The following PZP variants were observed in gnomAD, a reference collection of about 807,000 sequenced individuals.
PZP encodes pregnancy zone protein.
In PZP, 150 loss-of-function variants were observed where a neutral mutation model predicts 179.8. That is an observed-to-expected ratio of 0.83 (90% confidence interval 0.73 to 0.96). The LOEUF is 0.96. Among genes scored for constraint, PZP ranks in the 40% least tolerant of loss-of-function variants. The pLI, the probability that PZP is intolerant of heterozygous loss-of-function variation, is 0.00. For missense variants in PZP, 1,689 were observed against 1,764.0 expected, an observed-to-expected ratio of 0.96 and a Z score of 0.76; for synonymous variants, 624 against 652.3, an observed-to-expected ratio of 0.96 and a Z score of 0.66.
chr12:9,183,526 A>G (rs1394541859), intron 13 of PZP, among the ~76,000 whole-genome samples: 2 of 152,078 alleles, frequency 1.3e-5, no homozygotes, highest in Non-Finnish European at 2.9e-5. Context: ...CAGCCTCCCC[A>G]GTAGCTGGGA....
At position 9,165,237 on chromosome 12, in the gene PZP, G is replaced by T. The variant is rs781778595; in HGVS notation, c.2389C>A (p.Pro797Thr). The change falls in exon 19 of 36, where the codon CCC (proline) becomes ACC (threonine). Residue 797 changes from proline to threonine, a missense_variant. Physicochemically the swap from Pro to Thr is conservative, Grantham distance 38. Coordinates refer to ENST00000261336, the MANE Select transcript of PZP (RefSeq NM_002864.3). ...SSTASLRAFQ[P>T]FFVELTMPYS... is the part of the protein sequence containing the mutation. The stretch of plus-strand genomic sequence containing the variant: ...GGCATTGTGAGCTCCACAAAGAAGG[G>T]CTGGAAGGCTCGGAGAGAGGCAGTG... 1 of 1,614,178 alleles carries T rather than the reference G, an allele frequency of 6.2e-7. No homozygotes were observed. Among genetic ancestry groups the T allele is most frequent in the Non-Finnish European group, 8.5e-7 (1 of 1,180,036 alleles).
chr12:9,196,572 T>C lies in PZP; in HGVS notation c.981A>G (p.Thr327=), dbSNP rs761223198. The C allele has an allele frequency of 6.3e-7, 1 of 1,599,024 alleles. No individual in the cohort carries two copies. Among genetic ancestry groups the C allele is most frequent in the South Asian group, 1.1e-5 (1 of 90,764 alleles). The change falls in exon 9 of 36, where the codon ACA becomes ACG. Residue 327 remains threonine, a splice_region_variant and synonymous_variant. Transcript: ENST00000261336. The part of the protein sequence containing the change: ...RVEARIREEG[T]DLEVTANRIS... Reference sequence around the variant, plus strand: ...CCCATATTCGTTCATTACTCACACCTGTCCCCTCTTCTCTGATCCTGGCTT... The same window carrying C: ...CCCATATTCGTTCATTACTCACACCCGTCCCCTCTTCTCTGATCCTGGCTT...
chr12:9,149,455 G>T, intron 35 of PZP, 106 bp downstream of exon 35: 3 of 1,142,814 alleles, frequency 2.6e-6, no homozygotes, highest in Non-Finnish European at 3.7e-6. Context: ...ATGCCATGTG[G>T]ATTGTCTCAG....
At chr12:9,169,046 C>A in intron 16 of PZP, 72 bp from the exon 17 acceptor site, 3 of 1,101,444 alleles carry the variant, frequency 2.7e-6, no homozygotes, top group Non-Finnish European at 4.1e-6. Flanking sequence ...TCCTTAGAGA[C>A]TTCTCTATGT....
At chr12:9,179,692 C>T (rs1368510609) in intron 15 of PZP, among the ~76,000 whole-genome samples, 3 of 152,170 alleles carry the variant, frequency 2.0e-5, no homozygotes, top group Non-Finnish European at 4.4e-5. Context: ...CTCCAGTGAC[C>T]AAAAGTGATT....
At chr12:9,163,635 T>C in intron 21 of PZP, 33 bp downstream of exon 21, 1 of 1,608,892 alleles carries the variant, frequency 6.2e-7, no homozygotes, top group Non-Finnish European at 8.5e-7. Flanking sequence ...GTTGCATTCT[T>C]ACAGTTGTTA....
chr12:9,174,584 T>A lies in PZP; in HGVS notation c.1840-4993A>T, dbSNP rs777607974. On this transcript the variant is annotated intron_variant, in intron 15 of 35. Transcript: ENST00000261336. ...ACCCCATTATCTCAGTCCAAAAGAT[T>A]CTTAAGCTGATAAGCAACTTCAGCA... 5.9e-5 allele frequency among the ~76,000 whole-genome samples: 9 copies of A among 152,306 alleles called. No individual in the cohort carries two copies. The South Asian group carries it at 8.3e-4, about 14-fold the overall frequency.
rs771046133 is a variant in PZP at position 9,149,568 on chromosome 12, G to T, written c.4419C>A (p.Cys1473Ter). The T allele has an allele frequency of 6.2e-7, 1 of 1,612,840 alleles. No homozygotes were observed. The highest frequency in any genetic ancestry group is 1.1e-5 in the South Asian group (1 of 90,938). Reference sequence around the variant, plus strand: ...TAAGTGGTGAACTCTTACCTGTGCTGCAGGGGGCGATATACTCAGCAACCA... The same window carrying T: ...TAAGTGGTGAACTCTTACCTGTGCTTCAGGGGGCGATATACTCAGCAACCA... ...ESVVAEYIAP[C>*]STDTEHGNV Residue 1473 changes from cysteine (C) to a stop codon, truncating the protein, a stop_gained, in exon 35 of 36, where the codon TGC becomes TGA. Transcript: ENST00000261336. LOFTEE classifies it low-confidence loss of function (END_TRUNC).
intron 13 of PZP, among the ~76,000 whole-genome samples, chr12:9,187,757 C>A (rs780600226): frequency 5.3e-5 from 8 of 152,330 alleles, no homozygotes; most frequent in African/African-American, 1.7e-4. Flanking sequence ...CCTCACATCA[C>A]AACTGAAAGA....
intron 20 of PZP, 105 bp downstream of exon 20, chr12:9,164,028 T>C: frequency 1.4e-6 from 2 of 1,417,574 alleles, no homozygotes; most frequent in Admixed American, 2.2e-5. Flanking sequence ...ACTAACTTTA[T>C]AGAATTATAT....
intron 27 of PZP, 57 bp from the exon 28 acceptor site, chr12:9,157,412 T>C (rs10842982): frequency 1 from 1,508,582 of 1,508,766 alleles, 754,199 homozygotes; most frequent in East Asian, 1. Context: ...CAGAGCAAGC[T>C]GAGAGCTGGA....
At chr12:9,190,895 T>C (rs1943420897) in intron 13 of PZP, among the ~76,000 whole-genome samples, 1 of 152,094 alleles carries the variant, frequency 6.6e-6, no homozygotes, top group South Asian at 2.1e-4. Context: ...TTTAGACAAA[T>C]TGTGAATAAA....
chr12:9,166,845 G>T (rs1317468951), intron 17 of PZP: 1 of 152,176 alleles, frequency 6.6e-6, no homozygotes, highest in Non-Finnish European at 1.5e-5. Flanking sequence ...CAACGTGAGA[G>T]GGTGGAGAGC....
At chr12:9,149,668 G>C (rs1677106395) in intron 34 of PZP, 66 bp from the exon 35 acceptor site, 3 of 1,520,218 alleles carry the variant, frequency 2.0e-6, no homozygotes, top group Admixed American at 3.6e-5. Context: ...TGCTAAATCT[G>C]TCTAGTCACT....
chr12:9,160,089 A>G (rs1241686373), intron 24 of PZP, 64 bp from the exon 25 acceptor site: 1 of 1,452,594 alleles, frequency 6.9e-7, no homozygotes, highest in Middle Eastern at 1.8e-4. Context: ...CCATATGTTT[A>G]GGCTCATGCA....
intron 2 of PZP, 61 bp downstream of exon 2, chr12:9,203,707 A>G (rs1282836626): frequency 4.5e-6 from 7 of 1,565,254 alleles, no homozygotes; most frequent in Admixed American, 1.7e-5. Context: ...CATCACCATG[A>G]CCTATAGAGC....
chr12:9,208,033 C>T (rs1944527939), intron 1 of PZP, among the ~76,000 whole-genome samples: 2 of 152,070 alleles, frequency 1.3e-5, no homozygotes, highest in African/African-American at 4.8e-5. Flanking sequence ...ATCATGCTTC[C>T]TAGTGACTAA....
chr12:9,150,844 A>G (rs3741851), intron 33 of PZP, 98 bp from the exon 34 acceptor site: 147,960 of 773,852 alleles, frequency 0.19, 16,373 homozygotes, highest in East Asian at 0.41. Context: ...CTTTTTCACC[A>G]GTGTCTTTAG....
In PZP at chr12:9,166,136, T is replaced by C. The variant is rs1254803291; in HGVS notation, c.2174A>G (p.Asn725Ser). ...QLGTYNVIPLNNEQSSGPVPE... is the reference protein window; with the variant it reads ...QLGTYNVIPLSNEQSSGPVPE... ...GACTGGCCCTGAACTTTGTTCATTA[T>C]TTAAGGGTATCACATTATATGTGCC... The change falls in exon 18 of 36, where the codon AAT becomes AGT. Residue 725 changes from asparagine (N) to serine (S), a missense_variant. By Grantham distance (46) the Asn-to-Ser change is conservative (BLOSUM62 1). This residue lies in a region of PZP where 201 missense variants were observed against 284.2 expected (regional missense o/e 0.71). Coordinates refer to ENST00000261336, the MANE Select transcript of PZP (RefSeq NM_002864.3). 1.2e-6 allele frequency: 2 copies of C among 1,614,084 alleles called. No individual in the cohort carries two copies. Among genetic ancestry groups the C allele is most frequent in the Non-Finnish European group, 1.7e-6 (2 of 1,180,000 alleles).
Sources: gnomAD v4.1 joint callset for allele counts (sites outside exome capture counted in the v4.1 genomes callset) on GRCh38, gnomAD v4.1.1 for gene constraint, gnomAD v4.1.1 regional missense constraint, MANE v1.5 for transcripts, NCBI Gene and HGNC (gene_info 2026-07-23, HGNC 2026-07-21) for gene names.